SWI5: variants seen among roughly 807,000 people sequenced by gnomAD.
The protein encoded by SWI5 is SWI5 homologous recombination repair protein.
Under a neutral mutation model 17.0 loss-of-function variants are expected in SWI5, and 12 were observed. The ratio of observed to expected loss-of-function variants is 0.71; its 90% CI spans 0.45 to 1.14. The LOEUF is 1.14. SWI5 is among the 50% of genes most tolerant of loss of function. The pLI is 0.00. For missense variants in SWI5, 158 were observed against 162.2 expected (o/e 0.97, Z 0.14); for synonymous variants, 61 against 64.0 (o/e 0.95, Z 0.22).
chr9:128,286,446 T>C (rs1351407671), intron 4 of SWI5: 3 of 170,802 alleles, frequency 1.8e-5, no homozygotes, highest in African/African-American at 4.7e-5. Flanking sequence ...AAAATCTTGC[T>C]ATCTAGAGGG....
At chr9:128,284,071 G>A (rs1265168299) in intron 2 of SWI5, among the ~76,000 whole-genome samples, 1 of 151,946 alleles carries the variant, frequency 6.6e-6, no homozygotes, top group Non-Finnish European at 1.5e-5. Context: ...ACCGAGGTGG[G>A]CAGATCACGA....
intron 2 of SWI5, among the ~76,000 whole-genome samples, chr9:128,277,180 A>T (rs1242860352): frequency 2.0e-5 from 3 of 152,140 alleles, no homozygotes; most frequent in African/African-American, 7.2e-5. Context: ...TTCGCTGGCA[A>T]GCCACCCCCA....
intron 2 of SWI5, among the ~76,000 whole-genome samples, chr9:128,278,016 G>A (rs1022875759): frequency 1.8e-4 from 25 of 142,186 alleles, no homozygotes; most frequent in African/African-American, 4.5e-4. Flanking sequence ...GCAATGGTGC[G>A]ATCTGGGCTC....
intron 2 of SWI5, among the ~76,000 whole-genome samples, chr9:128,281,027 G>GTT (rs1255060585): frequency 1.1e-5 from 1 of 92,066 alleles, no homozygotes; most frequent in African/African-American, 4.2e-5. Context: ...ATTCAACCAT[G>GTT]CTTTTTTTTT....
chr9:128,288,234 C>T (rs950885762), intron 4 of SWI5, among the ~76,000 whole-genome samples: 1 of 152,086 alleles, frequency 6.6e-6, no homozygotes, highest in Non-Finnish European at 1.5e-5. Flanking sequence ...GGGGCAAACT[C>T]GAGCAGTGGG....
intron 2 of SWI5, among the ~76,000 whole-genome samples, chr9:128,284,162 G>T (rs1464597340): frequency 6.6e-6 from 1 of 151,598 alleles, no homozygotes; most frequent in Non-Finnish European, 1.5e-5. Context: ...GGTGGCGCAT[G>T]CCTGTAGTCC....
intron 4 of SWI5, among the ~76,000 whole-genome samples, chr9:128,286,820 G>A (rs1831647247): frequency 6.6e-6 from 1 of 152,014 alleles, no homozygotes; most frequent in Non-Finnish European, 1.5e-5. Context: ...CAAGAAGATG[G>A]GGGTGTGAGG....
chr9:128,286,018 C>G (rs1166184951), exon 4 of SWI5: 2 of 1,613,750 alleles, frequency 1.2e-6, no homozygotes, highest in South Asian at 1.1e-5. Flanking sequence ...GGGGCAGATG[C>G]TGATGGGCAA....
At position 128,285,718 on chromosome 9, in the gene SWI5, C is replaced by T. The variant is rs1291223968; in HGVS notation, c.234-221C>T. On this transcript the variant is annotated intron_variant, in intron 3 of 4. Transcript: ENST00000418976. This position sits in a 1 kb window ranked among gnomAD's most constrained non-coding sequence, Gnocchi z 4.8. ...GGTACCACTGTGGCTGGCAACCCCA[C>T]CCTAAGGAGACAGGGCACATTTGCC... Among the ~76,000 whole-genome samples, 1 of 152,196 alleles carries T rather than the reference C, an allele frequency of 6.6e-6. No homozygotes were observed. The highest frequency in any genetic ancestry group is 1.5e-5 in the Non-Finnish European group (1 of 68,030).
chr9:128,282,004 A>G (rs900810218), intron 2 of SWI5, among the ~76,000 whole-genome samples: 4 of 152,268 alleles, frequency 2.6e-5, no homozygotes, highest in African/African-American at 4.8e-5. Flanking sequence ...GCTTAAGCCC[A>G]GAAAGTTGAG....
intron 3 of SWI5, 102 bp downstream of exon 3, chr9:128,284,733 A>G (rs1161127620): frequency 1.4e-6 from 2 of 1,406,710 alleles, no homozygotes; most frequent in African/African-American, 2.9e-5. Flanking sequence ...AGGTGGGTGG[A>G]TCACTTGAGG....
At chr9:128,276,241 C>T (rs757041475), upstream of SWI5, 156 of 1,612,278 alleles carry the variant, frequency 9.7e-5, no homozygotes, top group Non-Finnish European at 1.3e-4. Context: ...GCGGGGCCGG[C>T]TTTCCTTGGG....
chr9:128,276,687 C>T lies in SWI5; in HGVS notation c.63-20C>T, dbSNP rs191475291. 6.9e-5 allele frequency: 112 copies of T among 1,614,044 alleles called. No homozygotes were observed. The African/African-American group carries it at 1.4e-3, about 20-fold the overall frequency. On this transcript the variant is annotated intron_variant, in intron 1 of 4. Coordinates refer to ENST00000418976, the Ensembl canonical transcript of SWI5. ...CGGGCTGTGGGTCCAATCAGACTTT[C>T]CCCTCGGATTCCTCTCTAGGACTGA...
intron 2 of SWI5, among the ~76,000 whole-genome samples, chr9:128,277,229 T>G (rs1164101258): frequency 1.3e-5 from 2 of 152,034 alleles, no homozygotes; most frequent in Admixed American, 6.6e-5. Flanking sequence ...CCAGATGGAG[T>G]TGCCACTACA....
chr9:128,287,601 A>T (rs570690431), intron 4 of SWI5, among the ~76,000 whole-genome samples: 3 of 116,236 alleles, frequency 2.6e-5, no homozygotes, highest in African/African-American at 3.5e-5. Flanking sequence ...TCACTGTGTC[A>T]CCCAGGTTGG....
In SWI5 at chr9:128,285,447, C is replaced by T. The variant is rs564374302; in HGVS notation, c.234-492C>T. 1.3e-5 allele frequency among the ~76,000 whole-genome samples: 2 copies of T among 152,158 alleles called. No individual in the cohort carries two copies. The highest frequency in any genetic ancestry group is 2.9e-5 in the Non-Finnish European group (2 of 68,034). ...TGGAAGCTGTTGCTCTTCCAGTCTC[C>T]GGAGCCATGTTCTCCACCTCTGCTT... is the stretch of plus-strand genomic sequence containing the variant. On this transcript the variant is annotated intron_variant, in intron 3 of 4. Transcript: ENST00000418976. The surrounding 1 kb of genome is among the most constrained non-coding windows in gnomAD (Gnocchi z 4.8).
At chr9:128,279,643 T>G (rs1285708677) in intron 2 of SWI5, among the ~76,000 whole-genome samples, 2 of 152,188 alleles carry the variant, frequency 1.3e-5, no homozygotes, top group African/African-American at 2.4e-5. Context: ...ACCAGGAGTA[T>G]GGAAGGAACA....
At chr9:128,276,645 G>A in intron 1 of SWI5, 62 bp from the exon 2 acceptor site, 2 of 1,613,688 alleles carry the variant, frequency 1.2e-6, no homozygotes, top group Non-Finnish European at 1.7e-6. Flanking sequence ...CATCCCCACA[G>A]TACCCCGTCC....
intron 2 of SWI5, among the ~76,000 whole-genome samples, chr9:128,279,561 A>C (rs778985224): frequency 2.0e-5 from 3 of 152,250 alleles, no homozygotes; most frequent in Non-Finnish European, 2.9e-5. Context: ...CTATGCACTT[A>C]TCAGAAAGAT....
Sources: allele counts gnomAD v4.1 joint callset (sites outside exome capture counted in the v4.1 genomes callset), GRCh38; gene constraint gnomAD v4.1.1; non-coding constraint Gnocchi (gnomAD v3.1); transcripts MANE v1.5; gene names NCBI Gene and HGNC (gene_info 2026-07-23, HGNC 2026-07-21).